The following PDE3B variants were observed in gnomAD, a reference collection of about 807,000 sequenced individuals.
PDE3B encodes the protein cGMP-inhibited 3',5'-cyclic phosphodiesterase 3B.
In PDE3B, 66 loss-of-function variants were observed where a neutral mutation model predicts 116.8. That is an observed-to-expected ratio of 0.56 (90% confidence interval 0.46 to 0.69). The LOEUF is 0.69. Ranked by LOEUF, PDE3B falls within the 30% of genes least tolerant of loss-of-function variation. The pLI is 0.00. For missense variants in PDE3B, 1,384 were observed against 1,368.1 expected (o/e 1.01, Z -0.18); for synonymous variants, 595 against 533.6 (o/e 1.12, Z -1.59).
intron 1 of PDE3B, among the ~76,000 whole-genome samples, chr11:14,665,342 C>G (rs1026900060): frequency 1.3e-5 from 2 of 152,178 alleles, no homozygotes; most frequent in Non-Finnish European, 2.9e-5. Flanking sequence ...GAAGCATTCC[C>G]TTTGAAAACT....
At chr11:14,709,070 G>T (rs1329455230) in intron 1 of PDE3B, among the ~76,000 whole-genome samples, 4 of 152,068 alleles carry the variant, frequency 2.6e-5, no homozygotes, top group African/African-American at 9.7e-5. Context: ...CAATGATCAA[G>T]TGTTAAATAT....
Position 14,846,020 on chromosome 11 carries a change from T to C in PDE3B, c.2520+1994T>C, listed in dbSNP as rs537470604. Among the ~76,000 whole-genome samples, 4 of 152,028 alleles carry C rather than the reference T, an allele frequency of 2.6e-5. No homozygotes were observed. The South Asian group carries it at 8.3e-4, about 32-fold the overall frequency. On this transcript the variant is annotated intron_variant, in intron 12 of 15. Transcript: ENST00000282096. ...AAAGATACTCCTCGAGAAGAGCAAC[T>C]CCAAGACTCATAACTGTCAGATTCA...
chr11:14,866,670 C>T (rs567357730), intron 14 of PDE3B, among the ~76,000 whole-genome samples: 2 of 152,298 alleles, frequency 1.3e-5, no homozygotes, highest in East Asian at 3.9e-4. Context: ...AGAACAGACA[C>T]TCCTTACCTG....
chr11:14,725,948 A>G (rs542580711), intron 1 of PDE3B, among the ~76,000 whole-genome samples: 129 of 152,058 alleles, frequency 8.5e-4, no homozygotes, highest in African/African-American at 2.6e-3. Context: ...AATGCTCTAT[A>G]TGATCTAGTC....
rs768291825 is a variant in PDE3B, at chr11:14,818,198, T to G, written c.1538T>G (p.Leu513Arg). The change falls in exon 6 of 16, where the codon CTG becomes CGG. Residue 513 changes from leucine (L) to arginine (R), a missense_variant. Around this residue, in one of 2 missense-constraint regions of PDE3B, gnomAD observed 956 missense variants for 806.8 expected, o/e 1.18. Transcript: ENST00000282096. ...ATTTTTAAAGGTGTTTTGTCCAGTC[T>G]GAGTCCTGTGAATTCTTCCAACCAT... ...GLRRAGVLSS[L>R]SPVNSSNHGP... 1 of 1,610,898 alleles carries G rather than the reference T, an allele frequency of 6.2e-7. No individual in the cohort carries two copies. Among genetic ancestry groups the G allele is most frequent in the East Asian group, 2.2e-5 (1 of 44,854 alleles).
At position 14,831,792 on chromosome 11, in the gene PDE3B, A is replaced by G; in HGVS notation, c.2094+15A>G. 2.5e-6 allele frequency: 4 copies of G among 1,577,198 alleles called. No homozygotes were observed. Among genetic ancestry groups the G allele is most frequent in the Middle Eastern group, 1.7e-4 (1 of 5,792 alleles). On this transcript the variant is annotated intron_variant, in intron 9 of 15. Transcript: ENST00000282096. ...TTCTCAGTCAGGTTTGCTTTCAAATATCTACTTTTTAACTGTAAATTAATT... is the reference window on the plus strand; with the variant it reads ...TTCTCAGTCAGGTTTGCTTTCAAATGTCTACTTTTTAACTGTAAATTAATT...
At chr11:14,772,110 C>A (rs1399537339) in intron 2 of PDE3B, 123 bp downstream of exon 2, 2 of 507,984 alleles carry the variant, frequency 3.9e-6, no homozygotes, top group African/African-American at 4.1e-5. Context: ...ATAAGATTTT[C>A]TTTAACTAAA....
At chr11:14,781,229 G>C (rs1420663961) in intron 2 of PDE3B, among the ~76,000 whole-genome samples, 1 of 152,150 alleles carries the variant, frequency 6.6e-6, no homozygotes, top group Non-Finnish European at 1.5e-5. Context: ...AATTCTACCA[G>C]AGGTACAAAG....
the PDE3B span, chr11:14,878,996 G>T: frequency 2.4e-6 from 2 of 831,072 alleles, no homozygotes; most frequent in South Asian, 1.5e-5. Flanking sequence ...AATCAGTTCT[G>T]TGTTTTTAGA....
intron 1 of PDE3B, among the ~76,000 whole-genome samples, chr11:14,727,926 G>A (rs1856356474): frequency 6.6e-6 from 1 of 151,950 alleles, no homozygotes; most frequent in Admixed American, 6.6e-5. Context: ...ATATACTCTT[G>A]GTTTTATGAC....
At chr11:14,758,718 G>A (rs75828815) in intron 1 of PDE3B, among the ~76,000 whole-genome samples, 53,619 of 150,602 alleles carry the variant, frequency 0.36, 10,966 homozygotes, top group South Asian at 0.46. Flanking sequence ...AGACGATGGG[G>A]TTTTCTAGAT....
chr11:14,844,417 C>T (rs1052648945), intron 12 of PDE3B, among the ~76,000 whole-genome samples: 8 of 152,184 alleles, frequency 5.3e-5, no homozygotes, highest in South Asian at 2.1e-4. Context: ...ACGCAGAAGA[C>T]GGGTGATTTC....
chr11:14,794,944 T>C (rs1858506529), intron 4 of PDE3B, among the ~76,000 whole-genome samples: 1 of 152,194 alleles, frequency 6.6e-6, no homozygotes, highest in African/African-American at 2.4e-5. Context: ...CTTCTGCCCC[T>C]GTGGAGTTGG....
intron 5 of PDE3B, among the ~76,000 whole-genome samples, chr11:14,811,864 G>A: frequency 6.6e-6 from 1 of 152,184 alleles, no homozygotes; most frequent in Non-Finnish European, 1.5e-5. Flanking sequence ...CACGTCCCTT[G>A]TAAGTTGGAT....
chr11:14,649,830 A>G (rs768793624), intron 1 of PDE3B, among the ~76,000 whole-genome samples: 1 of 152,202 alleles, frequency 6.6e-6, no homozygotes, highest in Non-Finnish European at 1.5e-5. Flanking sequence ...TGAACTGACT[A>G]TTGCCTGCTT....
At position 14,837,972 on chromosome 11, in the gene PDE3B, A is replaced by T. The variant is rs190940105; in HGVS notation, c.2320+2877A>T. 6.5e-4 allele frequency among the ~76,000 whole-genome samples: 98 copies of T among 151,632 alleles called. 4 individuals are homozygous for T. The East Asian group carries it at 0.01, about 16-fold the overall frequency. On this transcript the variant is annotated intron_variant, in intron 11 of 15. Transcript: ENST00000282096. ...AAAAGAAACCCTTATTTTTTTTTTA[A>T]TTTATTTTATTTTATTTTTTTTTTG...
At chr11:14,649,392 A>C (rs1853500787) in intron 1 of PDE3B, among the ~76,000 whole-genome samples, 1 of 152,240 alleles carries the variant, frequency 6.6e-6, no homozygotes, top group Non-Finnish European at 1.5e-5. Flanking sequence ...ATATTGTACA[A>C]GGAAAATAAA....
At chr11:14,743,070 G>T (rs752201606) in intron 1 of PDE3B, among the ~76,000 whole-genome samples, 1 of 152,200 alleles carries the variant, frequency 6.6e-6, no homozygotes, top group Non-Finnish European at 1.5e-5. Flanking sequence ...GAGGCAGTCT[G>T]TCCCTTAGCA....
intron 1 of PDE3B, among the ~76,000 whole-genome samples, chr11:14,653,720 C>T (rs765622657): frequency 2.6e-5 from 4 of 151,898 alleles, no homozygotes; most frequent in Admixed American, 6.6e-5. Flanking sequence ...TGTCGCTGGC[C>T]GAGTGTGGTG....
Sources: allele counts gnomAD v4.1 joint callset (sites outside exome capture counted in the v4.1 genomes callset), GRCh38; gene constraint gnomAD v4.1.1; regional missense constraint gnomAD v4.1.1; transcripts MANE v1.5; gene names NCBI Gene and HGNC (gene_info 2026-07-23, HGNC 2026-07-21).